CD2AP: variants seen among roughly 807,000 people sequenced by gnomAD.
CD2AP encodes the protein CD2 associated protein, also known as CD2-associated protein.
Under a neutral mutation model 85.1 loss-of-function variants are expected in CD2AP, and 46 were observed. The observed-to-expected ratio is 0.54, with a 90% CI of 0.43 to 0.69. CD2AP has a LOEUF of 0.69. CD2AP is among the 30% of genes least tolerant of loss of function. The pLI, the probability that CD2AP is intolerant of heterozygous loss-of-function variation, is 0.00. For synonymous variants in CD2AP, 255 were observed against 252.9 expected, an observed-to-expected ratio of 1.01 and a Z score of -0.08; for missense variants, 769 against 729.5, an observed-to-expected ratio of 1.05 and a Z score of -0.62.
intron 11 of CD2AP, among the ~76,000 whole-genome samples, chr6:47,583,595 G>A (rs1212824904): frequency 2.0e-5 from 3 of 152,108 alleles, no homozygotes; most frequent in Admixed American, 1.3e-4. Context: ...TCATGGCTTG[G>A]GAGGCATATG....
At chr6:47,594,977 A>C (rs1017643081) in intron 11 of CD2AP, among the ~76,000 whole-genome samples, 13 of 151,998 alleles carry the variant, frequency 8.6e-5, no homozygotes, top group Admixed American at 5.9e-4. Flanking sequence ...AGACCAAATA[A>C]ATTTTGAAAA....
chr6:47,576,628 A>G, intron 7 of CD2AP, 26 bp downstream of exon 7: 1 of 1,457,322 alleles, frequency 6.9e-7, no homozygotes, highest in Admixed American at 1.7e-5. Context: ...AAGCTTTCAT[A>G]TTGGGAATAG....
In CD2AP at chr6:47,580,909, G is replaced by C. The variant is rs760877207; in HGVS notation, c.1045+9G>C. 1.9e-6 allele frequency: 3 copies of C among 1,587,322 alleles called. No individual in the cohort carries two copies. The highest frequency in any genetic ancestry group is 2.6e-6 in the Non-Finnish European group (3 of 1,155,998). On this transcript the variant is annotated intron_variant, in intron 10 of 17. Transcript: ENST00000359314. ...TCCTGCTAAGGCTCCAGGTATGTAA[G>C]AAGCATATTATTCAGTTTGCTATTT...
rs371754388 is a variant in CD2AP at position 47,548,402 on chromosome 6, T to A, written c.420+3696T>A. Among the ~76,000 whole-genome samples the A allele has an allele frequency of 3.9e-5, 6 of 152,004 alleles. No individual in the cohort carries two copies. In the East Asian group the frequency reaches 7.7e-4, roughly 20 times the overall value. ...GTTGACACCACAGAAATACAAAAGGTCATTCAAGGCTACTGTGAACTTTTT... is the reference window on the plus strand; with the variant it reads ...GTTGACACCACAGAAATACAAAAGGACATTCAAGGCTACTGTGAACTTTTT... On this transcript the variant is annotated intron_variant, in intron 4 of 17. Transcript: ENST00000359314.
rs1454709863 is a variant in CD2AP, at chr6:47,610,973, T to TATATATATATATATA, written c.1815-1500_1815-1499insATATATATATATATA. The stretch of plus-strand genomic sequence containing the variant: ...TTTATATATATATATATATATGTAT[T>TATATATATATATATA]TTTTTTTTTTTTTGAATATAAAACA... On this transcript the variant is annotated intron_variant, in intron 16 of 17. Coordinates refer to ENST00000359314, the MANE Select transcript of CD2AP (RefSeq NM_012120.3). Among the ~76,000 whole-genome samples the TATATATATATATATA allele has an allele frequency of 1.5e-3, 45 of 30,008 alleles. 1 individual carries two copies. The East Asian group carries it at 0.041, about 27-fold the overall frequency. The allele number at this position is 30,008 out of a possible 152,430, so 19.7% of individuals were successfully genotyped here.
Position 47,526,275 on chromosome 6 carries a change from G to A in CD2AP, c.166-7327G>A, listed in dbSNP as rs1766724972. 1.3e-5 allele frequency among the ~76,000 whole-genome samples: 2 copies of A among 152,102 alleles called. 1 individual carries two copies. The highest frequency in any genetic ancestry group is 2.9e-5 in the Non-Finnish European group (2 of 68,004). On this transcript the variant is annotated intron_variant, in intron 2 of 17. Transcript: ENST00000359314. ...GTATGTGTGTGTTTCTAGTAGTAAG[G>A]GATTGTAGCTCGGAGGAGTTCCAGA...
chr6:47,576,833 G>A (rs969520046), intron 7 of CD2AP, among the ~76,000 whole-genome samples, 176 bp from the exon 8 acceptor site: 1 of 152,048 alleles, frequency 6.6e-6, no homozygotes, highest in African/African-American at 2.4e-5. Context: ...TGAATGAATG[G>A]ATTAATGAAA....
Position 47,530,388 on chromosome 6 carries a change from C to T in CD2AP, c.166-3214C>T, listed in dbSNP as rs375428571. On this transcript the variant is annotated intron_variant, in intron 2 of 17. Coordinates refer to ENST00000359314, the MANE Select transcript of CD2AP (RefSeq NM_012120.3). ...CATCTCTCTTTCTGTGATCCTACCC[C>T]GACAAAACCATTTATCTGCTTTTTA... 6.0e-4 allele frequency among the ~76,000 whole-genome samples: 92 copies of T among 152,258 alleles called. 2 individuals are homozygous for T. In the East Asian group the frequency reaches 0.011, roughly 18 times the overall value.
At chr6:47,590,933 A>G (rs1768775785) in intron 11 of CD2AP, among the ~76,000 whole-genome samples, 1 of 152,216 alleles carries the variant, frequency 6.6e-6, no homozygotes, top group Admixed American at 6.5e-5. Context: ...AAAATATTCC[A>G]TGTTTAAGGA....
At chr6:47,594,432 T>G (rs1768883120) in intron 11 of CD2AP, among the ~76,000 whole-genome samples, 1 of 152,118 alleles carries the variant, frequency 6.6e-6, no homozygotes, top group Admixed American at 6.6e-5. Flanking sequence ...ATGTATTCTT[T>G]TTTTTAGACT....
At position 47,503,508 on chromosome 6, in the gene CD2AP, G is replaced by T. The variant is rs796978855; in HGVS notation, c.165+68G>T. The T allele has an allele frequency of 8.4e-6, 11 of 1,314,346 alleles. No homozygotes were observed. In the African/African-American group the frequency reaches 1.6e-4, roughly 19 times the overall value. The allele number at this position is 1,314,346 out of a possible 1,614,324, so 81.4% of individuals were successfully genotyped here. On this transcript the variant is annotated intron_variant, in intron 2 of 17. Coordinates refer to ENST00000359314, the MANE Select transcript of CD2AP (RefSeq NM_012120.3). The stretch of plus-strand genomic sequence containing the variant: ...TTTAATCTTTAAATGTTAAGAAATA[G>T]ATATACTTTTAAAATTAAAATGTTT...
In CD2AP at chr6:47,599,335, T is replaced by G; in HGVS notation, c.1309T>G (p.Phe437Val). The change falls in exon 13 of 18, where the codon TTT (phenylalanine) becomes GTT (valine). Residue 437 changes from phenylalanine (F) to valine (V), a missense_variant. Phe to Val is a conservative substitution (Grantham distance 50). Coordinates refer to ENST00000359314, the MANE Select transcript of CD2AP (RefSeq NM_012120.3). ...GGAAGTTTCTAGCATTTCATCAAAA[T>G]TTGAAACTGAGCCAGTATCAAAACT... ...NGEVSSISSKFETEPVSKLKL... is the reference protein window; with the variant it reads ...NGEVSSISSKVETEPVSKLKL... 1.9e-6 allele frequency: 3 copies of G among 1,612,398 alleles called. No individual in the cohort carries two copies. Among genetic ancestry groups the G allele is most frequent in the Non-Finnish European group, 2.5e-6 (3 of 1,178,932 alleles).
chr6:47,607,845 T>G (rs1174252265), intron 14 of CD2AP, 82 bp from the exon 15 acceptor site: 5 of 884,422 alleles, frequency 5.7e-6, no homozygotes, highest in Non-Finnish European at 9.0e-6. Context: ...CCATAAAAGT[T>G]ATTTGCTTTA....
chr6:47,554,583 C>T, intron 4 of CD2AP, 63 bp from the exon 5 acceptor site: 1 of 1,590,888 alleles, frequency 6.3e-7, no homozygotes, highest in Non-Finnish European at 8.6e-7. Context: ...TTAATTTTCC[C>T]ATAGGGTGAC....
intron 4 of CD2AP, among the ~76,000 whole-genome samples, chr6:47,549,460 CAAAAAAAAA>C (rs67626138): frequency 9.0e-6 from 1 of 110,712 alleles, no homozygotes. Context: ...ACAATAGCTG[CAAAAAAAAA>C]AAAAAAAAAA....
chr6:47,520,637 G>C (rs1203994711), intron 2 of CD2AP, among the ~76,000 whole-genome samples: 2 of 151,990 alleles, frequency 1.3e-5, no homozygotes, highest in Non-Finnish European at 2.9e-5. Flanking sequence ...GGGGTCTATG[G>C]TGGTGATTGG....
Position 47,576,508 on chromosome 6 carries a change from T to C in CD2AP, c.730-16T>C, listed in dbSNP as rs752581251. 1 of 1,562,438 alleles carries C rather than the reference T, an allele frequency of 6.4e-7. No individual in the cohort carries two copies. The highest frequency in any genetic ancestry group is 2.2e-5 in the East Asian group (1 of 44,528). On this transcript the variant is annotated splice_polypyrimidine_tract_variant and intron_variant, in intron 6 of 17. Transcript: ENST00000359314. ...TTCTATCTTAAAATAGTTTATGCCA[T>C]TTTTTTCTATTCTAGCCCTTAATCC... is the stretch of plus-strand genomic sequence containing the variant.
intron 5 of CD2AP, among the ~76,000 whole-genome samples, chr6:47,555,193 A>G (rs1221725454): frequency 1.3e-5 from 2 of 152,148 alleles, no homozygotes; most frequent in Non-Finnish European, 1.5e-5. Flanking sequence ...TGGGCAGCCA[A>G]ATGTCATTTA....
At chr6:47,516,337 GA>G (rs1766452770) in intron 2 of CD2AP, among the ~76,000 whole-genome samples, 1 of 152,208 alleles carries the variant, frequency 6.6e-6, no homozygotes, top group African/African-American at 2.4e-5. Flanking sequence ...ACAGAGCATA[GA>G]AAATCACGTT....
Sources: allele counts gnomAD v4.1 joint callset (sites outside exome capture counted in the v4.1 genomes callset), GRCh38; gene constraint gnomAD v4.1.1; transcripts MANE v1.5; gene names NCBI Gene and HGNC (gene_info 2026-07-23, HGNC 2026-07-21).